SLITRK3: variants seen among roughly 807,000 people sequenced by gnomAD.
SLITRK3 encodes the protein SLIT and NTRK-like protein 3.
A neutral mutation model predicts 63.6 loss-of-function variants in SLITRK3; 16 were observed. That is an observed-to-expected ratio of 0.25 (90% CI 0.17 to 0.38). The LOEUF is 0.38. SLITRK3 is among the 10% of genes least tolerant of loss of function. SLITRK3 has a pLI of 1.00. For synonymous variants in SLITRK3, 547 were observed against 451.6 expected (o/e 1.21, Z -2.68); for missense variants, 1,117 against 1,181.4 (o/e 0.95, Z 0.80).
In SLITRK3 at chr3:165,186,757, C is replaced by G. The variant is rs1717969127; in HGVS notation, c.*1140G>C. On this transcript the variant is annotated 3_prime_UTR_variant, in exon 2 of 2. Coordinates refer to ENST00000475390, the MANE Select transcript of SLITRK3 (RefSeq NM_001318810.2). ...AAAACTTTTTATTAGGAAAGCTATA[C>G]CAGAGGCATAATCACTATACAATGA... is the stretch of plus-strand genomic sequence containing the variant. 6.6e-6 allele frequency: 1 copy of G among 152,602 alleles called. No individual in the cohort carries two copies. The highest frequency in any genetic ancestry group is 1.5e-5 in the Non-Finnish European group (1 of 67,992). The allele number at this position is 152,602 out of a possible 1,614,324, so 9.5% of individuals were successfully genotyped here.
chr3:165,190,499 T>C lies in SLITRK3; in HGVS notation c.332A>G (p.Asn111Ser). Residue 111 changes from asparagine (N) to serine (S), a missense_variant, in exon 2 of 2, where the codon AAT (asparagine) becomes AGT (serine). Asn to Ser is a conservative substitution (Grantham distance 46). This residue lies in a region of SLITRK3 where 452 missense variants were observed against 495.3 expected (regional missense o/e 0.91). Transcript: ENST00000475390. ...NNAVSINLGN[N>S]ALQDIQTGAF... ...TCCAGTCTGAATGTCCTGCAATGCA[T>C]TGTTCCCAAGATTAATAGACACAGC... 2.5e-6 allele frequency: 4 copies of C among 1,613,956 alleles called. No individual in the cohort carries two copies. Among genetic ancestry groups the C allele is most frequent in the East Asian group, 2.2e-5 (1 of 44,866 alleles).
In SLITRK3 at chr3:165,189,115, G is replaced by T. The variant is rs1031430500; in HGVS notation, c.1716C>A (p.Pro572=). ...NPWDCTCDLV[P]FKQWIETISS... Reference sequence around the variant, plus strand: ...TGATGGTTTCGATCCACTGTTTAAAGGGGACCAGGTCACAGGTGCAGTCCC... The same window carrying T: ...TGATGGTTTCGATCCACTGTTTAAATGGGACCAGGTCACAGGTGCAGTCCC... The change falls in exon 2 of 2, where the codon CCC becomes CCA. Residue 572 remains proline (P), a synonymous_variant. Coordinates refer to ENST00000475390, the MANE Select transcript of SLITRK3 (RefSeq NM_001318810.2). This position sits in a 1 kb window ranked among gnomAD's most constrained non-coding sequence, Gnocchi z 4.0. 6.2e-7 allele frequency: 1 copy of T among 1,614,178 alleles called. No homozygotes were observed. The highest frequency in any genetic ancestry group is 1.1e-5 in the South Asian group (1 of 91,086).
At chr3:165,194,628 C>T (rs1007526489) in intron 1 of SLITRK3, among the ~76,000 whole-genome samples, 4 of 151,748 alleles carry the variant, frequency 2.6e-5, no homozygotes, top group African/African-American at 7.2e-5. Context: ...TCCCCCCCAT[C>T]CCCCGCCCAG....
At position 165,188,926 on chromosome 3, in the gene SLITRK3, T is replaced by G; in HGVS notation, c.1905A>C (p.Ala635=). The part of the protein sequence containing the change: ...AQPGDSHLIG[A]PTSASPYEFS... Reference sequence around the variant, plus strand: ...ACTCATAAGGTGATGCACTGGTTGGTGCCCCAATAAGGTGAGAATCTCCAG... The same window carrying G: ...ACTCATAAGGTGATGCACTGGTTGGGGCCCCAATAAGGTGAGAATCTCCAG... Residue 635 remains alanine (A), a synonymous_variant, in exon 2 of 2, where the codon GCA becomes GCC. Transcript: ENST00000475390. The G allele has an allele frequency of 1.9e-6, 3 of 1,614,098 alleles. No homozygotes were observed. The highest frequency in any genetic ancestry group is 2.5e-6 in the Non-Finnish European group (3 of 1,179,986).
At chr3:165,196,945 TCTCTC>T (rs1718460685), upstream of SLITRK3, 1 of 133,670 alleles carries the variant, frequency 7.5e-6, no homozygotes, top group Non-Finnish European at 1.6e-5. Context: ...TGTCTCTCTC[TCTCTC>T]GCTCTCTCTC....
Position 165,187,887 on chromosome 3 carries a change from C to A in SLITRK3, c.*10G>T, listed in dbSNP as rs1404082365. 1 of 1,530,256 alleles carries A rather than the reference C, an allele frequency of 6.5e-7. No homozygotes were observed. Among genetic ancestry groups the A allele is most frequent in the Non-Finnish European group, 8.8e-7 (1 of 1,138,976 alleles). The allele number at this position is 1,530,256 out of a possible 1,614,324, so 94.8% of individuals were successfully genotyped here. A position where few individuals can be genotyped will look rare whatever the true frequency, so the allele number is the denominator to read the frequency against. Reference sequence around the variant, plus strand: ...AAAAAAAAAAGCACTAATATATTTTCTTCTCTCTGTTAGAACCTGTATGTT... The same window carrying A: ...AAAAAAAAAAGCACTAATATATTTTATTCTCTCTGTTAGAACCTGTATGTT... On this transcript the variant is annotated 3_prime_UTR_variant, in exon 2 of 2. Coordinates refer to ENST00000475390, the MANE Select transcript of SLITRK3 (RefSeq NM_001318810.2).
At chr3:165,190,926 G>T (rs1718201412) in intron 1 of SLITRK3, 75 bp from the exon 2 acceptor site, 4 of 1,052,196 alleles carry the variant, frequency 3.8e-6, no homozygotes, top group Non-Finnish European at 2.7e-6. Flanking sequence ...TACATGTGGG[G>T]CATTTTAAGA....
At chr3:165,193,846 C>A (rs931402478) in intron 1 of SLITRK3, among the ~76,000 whole-genome samples, 2 of 151,984 alleles carry the variant, frequency 1.3e-5, no homozygotes, top group African/African-American at 4.8e-5. Context: ...TCAAATATTT[C>A]TCCGTGAAAT....
chr3:165,189,298 G>A lies in SLITRK3; in HGVS notation c.1533C>T (p.Leu511=), dbSNP rs1210997292. The A allele has an allele frequency of 5.0e-6, 8 of 1,614,096 alleles. No individual in the cohort carries two copies. The highest frequency in any genetic ancestry group is 4.0e-5 in the African/African-American group (3 of 74,928). Residue 511 remains leucine (L), a synonymous_variant, in exon 2 of 2, where the codon CTC becomes CTT. Transcript: ENST00000475390. This position sits in a 1 kb window ranked among gnomAD's most constrained non-coding sequence, Gnocchi z 4.0. Reference sequence around the variant, plus strand: ...GCAGAGTCCTCAGTAAGTTATTATTGAGGAATAGCAGCTTCAAGTTGGGCA... The same window carrying A: ...GCAGAGTCCTCAGTAAGTTATTATTAAGGAATAGCAGCTTCAAGTTGGGCA... ...SLMPNLKLLF[L]NNNLLRTLPT...
chr3:165,194,273 A>G (rs770720333), intron 1 of SLITRK3, among the ~76,000 whole-genome samples: 5 of 152,180 alleles, frequency 3.3e-5, no homozygotes, highest in Non-Finnish European at 7.3e-5. Context: ...ACAAAAGCAA[A>G]TTTTAAAGCA....
In SLITRK3 at chr3:165,188,243, T is replaced by C. The variant is rs140892840; in HGVS notation, c.2588A>G (p.His863Arg). ...CAGCACCACCCCACCATTTTTCTCATGGTGGCGGAACCCTGCCAAGTCTCC... is the reference window on the plus strand; with the variant it reads ...CAGCACCACCCCACCATTTTTCTCACGGTGGCGGAACCCTGCCAAGTCTCC... ...TGGDLAGFRH[H>R]EKNGGVVLFP... Residue 863 changes from histidine (H) to arginine (R), a missense_variant, in exon 2 of 2, where the codon CAT becomes CGT. Transcript: ENST00000475390. 3,613 of 1,613,774 alleles carry C rather than the reference T, an allele frequency of 2.2e-3. 8 individuals are homozygous for C. The highest frequency in any genetic ancestry group is 2.9e-3 in the Non-Finnish European group (3,387 of 1,179,904).
chr3:165,194,369 A>G (rs1285181883), intron 1 of SLITRK3, among the ~76,000 whole-genome samples: 8 of 152,122 alleles, frequency 5.3e-5, no homozygotes, highest in Non-Finnish European at 7.4e-5. Context: ...GTCAAAGGCA[A>G]TTTCCATGAT....
Position 165,190,597 on chromosome 3 carries a change from T to C in SLITRK3, c.234A>G (p.Arg78=), listed in dbSNP as rs1335674116. The change falls in exon 2 of 2, where the codon AGA becomes AGG. Residue 78 remains arginine (R), a synonymous_variant. Coordinates refer to ENST00000475390, the MANE Select transcript of SLITRK3 (RefSeq NM_001318810.2). ...TCCTCTGCAGATACAGTTTAAAAGG[T>C]CTTGACCAGAACTCGGTAATCTGAC... ...NISQITEFWS[R]PFKLYLQRNS... 1 of 1,613,914 alleles carries C rather than the reference T, an allele frequency of 6.2e-7. No individual in the cohort carries two copies. The highest frequency in any genetic ancestry group is 8.5e-7 in the Non-Finnish European group (1 of 1,179,956).
In SLITRK3 at chr3:165,188,958, C is replaced by A. The variant is rs774702063; in HGVS notation, c.1873G>T (p.Ala625Ser). ...LHVAPAGESP[A>S]QPGDSHLIGA... ...ATAAGGTGAGAATCTCCAGGCTGGG[C>A]TGGGGATTCTCCAGCTGGTGCAACG... Residue 625 changes from alanine to serine, a missense_variant, in exon 2 of 2, where the codon GCC becomes TCC. By Grantham distance (99) the Ala-to-Ser change is moderately conservative. Around this residue, in one of 4 missense-constraint regions of SLITRK3, gnomAD observed 499 missense variants for 463.6 expected, o/e 1.08. Transcript: ENST00000475390. 1.2e-6 allele frequency: 2 copies of A among 1,614,108 alleles called. No individual in the cohort carries two copies. Among genetic ancestry groups the A allele is most frequent in the East Asian group, 2.2e-5 (1 of 44,854 alleles).
At chr3:165,192,560 T>C (rs772918707) in intron 1 of SLITRK3, among the ~76,000 whole-genome samples, 1 of 150,718 alleles carries the variant, frequency 6.6e-6, no homozygotes, top group African/African-American at 2.4e-5. Context: ...TTTATTAGCA[T>C]GGAACCGTGA....
Position 165,187,238 on chromosome 3 carries a change from G to GTA in SLITRK3, c.*658_*659insTA, listed in dbSNP as rs1261121105. 6.4e-6 allele frequency: 1 copy of GTA among 155,546 alleles called. No individual in the cohort carries two copies. Among genetic ancestry groups the GTA allele is most frequent in the Admixed American group, 6.5e-5 (1 of 15,280 alleles). 9.6% of individuals were successfully genotyped at this position (155,546 alleles called of 1,614,324 possible). A position where few individuals can be genotyped will look rare whatever the true frequency, so the allele number is the denominator to read the frequency against. On this transcript the variant is annotated 3_prime_UTR_variant, in exon 2 of 2. Transcript: ENST00000475390. ...TGTGTGTGTGTGTGTGTGTGTGTGT[G>GTA]TGTGTGTGTGTGTGTACCTGCACCA...
chr3:165,191,224 G>A (rs1257164738), intron 1 of SLITRK3, among the ~76,000 whole-genome samples: 1 of 152,182 alleles, frequency 6.6e-6, no homozygotes, highest in African/African-American at 2.4e-5. Context: ...ACACCTGTTT[G>A]CCTGTTAAAA....
At chr3:165,192,613 CT>C (rs1487474552) in intron 1 of SLITRK3, among the ~76,000 whole-genome samples, 2 of 151,196 alleles carry the variant, frequency 1.3e-5, no homozygotes, top group African/African-American at 4.9e-5. Context: ...AGGATTCTCT[CT>C]CTTTCCCTCC....
chr3:165,194,677 A>T (rs1680993430), intron 1 of SLITRK3, among the ~76,000 whole-genome samples: 1 of 151,392 alleles, frequency 6.6e-6, no homozygotes, highest in South Asian at 2.1e-4. Flanking sequence ...GTGACTATTT[A>T]TCGGGTGTTA....
Sources: gnomAD v4.1 joint callset for allele counts (sites outside exome capture counted in the v4.1 genomes callset) on GRCh38, gnomAD v4.1.1 for gene constraint, gnomAD v4.1.1 regional missense constraint, Gnocchi (gnomAD v3.1) non-coding constraint, MANE v1.5 for transcripts, NCBI Gene and HGNC (gene_info 2026-07-23, HGNC 2026-07-21) for gene names.